Variants in CNTN5 observed in about 807,000 individuals in gnomAD.
CNTN5 encodes contactin-5.
A neutral mutation model predicts 129.1 loss-of-function variants in CNTN5; 77 were observed. The ratio of observed to expected loss-of-function variants is 0.60; its 90% CI spans 0.50 to 0.72. The LOEUF is 0.72. CNTN5 is among the 30% of genes least tolerant of loss of function. The pLI is 0.00. For synonymous variants in CNTN5, 509 were observed against 465.6 expected, an observed-to-expected ratio of 1.09 and a Z score of -1.20; for missense variants, 1,478 against 1,328.8, an observed-to-expected ratio of 1.11 and a Z score of -1.75.
At chr11:99,639,985 T>C (rs963740295) in intron 3 of CNTN5, among the ~76,000 whole-genome samples, 1 of 152,174 alleles carries the variant, frequency 6.6e-6, no homozygotes, top group East Asian at 1.9e-4. Flanking sequence ...GCCAGTCTCT[T>C]TGCTAAAATG....
chr11:99,705,972 G>C (rs528497930), intron 3 of CNTN5, among the ~76,000 whole-genome samples: 3 of 151,498 alleles, frequency 2.0e-5, no homozygotes, highest in Non-Finnish European at 3.0e-5. Context: ...CATCACCAGG[G>C]TGGAGAGAGA....
chr11:99,909,417 T>C (rs1328300596), intron 6 of CNTN5, among the ~76,000 whole-genome samples: 1 of 152,072 alleles, frequency 6.6e-6, no homozygotes, highest in Non-Finnish European at 1.5e-5. Flanking sequence ...TCCTCAGGGA[T>C]CTAGAAGTAG....
At chr11:99,756,031 G>T (rs923299004) in intron 3 of CNTN5, among the ~76,000 whole-genome samples, 23 of 152,112 alleles carry the variant, frequency 1.5e-4, no homozygotes, top group East Asian at 5.8e-4. Context: ...CATTTAACTG[G>T]AAGGTAGAAA....
At chr11:99,663,013 T>C (rs576739586) in intron 3 of CNTN5, among the ~76,000 whole-genome samples, 33 of 152,240 alleles carry the variant, frequency 2.2e-4, no homozygotes, top group African/African-American at 7.5e-4. Flanking sequence ...ACCAGCTAAG[T>C]TGTATTATGT....
chr11:100,231,347 T>C (rs780749528), intron 16 of CNTN5, among the ~76,000 whole-genome samples: 3 of 152,082 alleles, frequency 2.0e-5, no homozygotes, highest in East Asian at 1.9e-4. Context: ...AAGGGTCTTA[T>C]AAAAGGCAAT....
At chr11:99,984,855 C>A (rs1020960312) in intron 8 of CNTN5, among the ~76,000 whole-genome samples, 1 of 152,128 alleles carries the variant, frequency 6.6e-6, no homozygotes, top group African/African-American at 2.4e-5. Flanking sequence ...TTCATGACCG[C>A]TTTGTCAGAC....
chr11:99,705,822 T>C (rs1285888011), intron 3 of CNTN5, among the ~76,000 whole-genome samples: 2 of 151,302 alleles, frequency 1.3e-5, no homozygotes, highest in Non-Finnish European at 3.0e-5. Context: ...CTGTGCTAGA[T>C]GATGAGATTA....
intron 21 of CNTN5, among the ~76,000 whole-genome samples, chr11:100,334,160 C>T (rs1180783759): frequency 6.6e-6 from 1 of 152,072 alleles, no homozygotes; most frequent in African/African-American, 2.4e-5. Context: ...ATGCAAACTG[C>T]CAACAAACAT....
chr11:99,249,693 A>C (rs1862000910), intron 1 of CNTN5, among the ~76,000 whole-genome samples: 1 of 152,092 alleles, frequency 6.6e-6, no homozygotes, highest in South Asian at 2.1e-4. Context: ...TAAGACAAAA[A>C]CTTATCTAAT....
chr11:100,294,820 A>G (rs1176923334), intron 18 of CNTN5, among the ~76,000 whole-genome samples: 1 of 151,632 alleles, frequency 6.6e-6, no homozygotes, highest in Non-Finnish European at 1.5e-5. Context: ...ATGTTGTTTT[A>G]TAAAGGGATA....
chr11:100,192,481 A>G (rs146736388), intron 14 of CNTN5, among the ~76,000 whole-genome samples: 1 of 152,002 alleles, frequency 6.6e-6, no homozygotes, highest in Non-Finnish European at 1.5e-5. Flanking sequence ...ACATTAAAGG[A>G]TCTGATCAGT....
At chr11:99,989,298 G>C (rs549133043) in intron 8 of CNTN5, among the ~76,000 whole-genome samples, 36 of 152,150 alleles carry the variant, frequency 2.4e-4, no homozygotes, top group Non-Finnish European at 4.1e-4. Flanking sequence ...TTTTTAGTCA[G>C]TAGAGCCATT....
intron 1 of CNTN5, among the ~76,000 whole-genome samples, chr11:99,295,869 C>T (rs1312423737): frequency 8.3e-6 from 1 of 120,212 alleles, no homozygotes; most frequent in African/African-American, 3.4e-5. Flanking sequence ...GGCGACAGAG[C>T]GAGACTCCGT....
At chr11:99,616,709 T>C (rs770975902) in intron 3 of CNTN5, among the ~76,000 whole-genome samples, 12 of 152,108 alleles carry the variant, frequency 7.9e-5, no homozygotes, top group Non-Finnish European at 1.6e-4. Flanking sequence ...TGATAAAAAC[T>C]GATATAGATG....
chr11:99,990,445 T>TACACACACACACACACACAC (rs1318603192), intron 8 of CNTN5, among the ~76,000 whole-genome samples: 1 of 81,314 alleles, frequency 1.2e-5, no homozygotes, highest in African/African-American at 3.7e-5. Flanking sequence ...ATTTTTAGAA[T>TACACACACACACACACACAC]ATATATATAT....
chr11:99,228,246 C>A (rs1305070439), intron 1 of CNTN5, among the ~76,000 whole-genome samples: 1 of 151,818 alleles, frequency 6.6e-6, no homozygotes, highest in African/African-American at 2.4e-5. Flanking sequence ...CTTCCTTATC[C>A]AAAAGTTGAT....
intron 1 of CNTN5, among the ~76,000 whole-genome samples, chr11:99,042,503 G>T (rs931577725): frequency 2.0e-5 from 3 of 150,398 alleles, no homozygotes; most frequent in Non-Finnish European, 4.4e-5. Flanking sequence ...AGCCTCCCGA[G>T]TAGCTGGGAC....
chr11:99,278,661 A>G (rs190608461), intron 1 of CNTN5, among the ~76,000 whole-genome samples: 1 of 151,808 alleles, frequency 6.6e-6, no homozygotes, highest in East Asian at 1.9e-4. Flanking sequence ...AAGCATTGCT[A>G]TCCGCACTTT....
intron 13 of CNTN5, among the ~76,000 whole-genome samples, chr11:100,132,039 C>T (rs1424643722): frequency 6.6e-5 from 10 of 152,064 alleles, no homozygotes; most frequent in Non-Finnish European, 1.3e-4. Flanking sequence ...CAAGAGGAGG[C>T]CTTGGGAGTA....
Sources: gnomAD v4.1 joint callset for allele counts (sites outside exome capture counted in the v4.1 genomes callset) on GRCh38, gnomAD v4.1.1 for gene constraint, MANE v1.5 for transcripts, NCBI Gene and HGNC (gene_info 2026-07-23, HGNC 2026-07-21) for gene names.